TROAP: variants seen among roughly 807,000 people sequenced by gnomAD.
The protein encoded by TROAP is tastin.
TROAP carries 62 observed loss-of-function variants against 83.4 expected under a neutral mutation model. That is an observed-to-expected ratio of 0.74 (90% confidence interval 0.61 to 0.92). The LOEUF (loss-of-function observed/expected upper bound fraction) is 0.92, where lower values mean the gene tolerates loss of function less well. Ranked by LOEUF, TROAP falls within the 40% of genes least tolerant of loss-of-function variation. The pLI, the probability that TROAP is intolerant of heterozygous loss-of-function variation, is 0.00. For synonymous variants in TROAP, 352 were observed against 386.4 expected (o/e 0.91, Z 1.04); for missense variants, 876 against 985.1 (o/e 0.89, Z 1.48).
chr12:49,324,494 G>A, intron 3 of TROAP: 1 of 274,048 alleles, frequency 3.6e-6, no homozygotes, highest in Non-Finnish European at 6.7e-6. Context: ...TCTGTTACCT[G>A]TCTATAGTTT....
rs769570936 is a variant in TROAP at position 49,331,296 on chromosome 12, G to A, written c.2181G>A (p.Glu727=). ...TAACCGCCATCCACTGCTTCCACGAGGCTCGTCTGGACGATGAGTGTGCCT... is the reference window on the plus strand; with the variant it reads ...TAACCGCCATCCACTGCTTCCACGAAGCTCGTCTGGACGATGAGTGTGCCT... The part of the protein sequence containing the change: ...SCLTAIHCFH[E]ARLDDECAFY... Residue 727 remains glutamate, a synonymous_variant, in exon 14 of 15, where the codon GAG becomes GAA. Coordinates refer to ENST00000257909, the MANE Select transcript of TROAP (RefSeq NM_005480.4). 1 of 1,614,216 alleles carries A rather than the reference G, an allele frequency of 6.2e-7. No individual in the cohort carries two copies. The highest frequency in any genetic ancestry group is 1.1e-5 in the South Asian group (1 of 91,084).
At chr12:49,325,151 T>A (rs1260980970) in intron 3 of TROAP, among the ~76,000 whole-genome samples, 1 of 151,748 alleles carries the variant, frequency 6.6e-6, no homozygotes. Flanking sequence ...ACTCCTGACC[T>A]CAGGTGATCC....
At chr12:49,326,466 T>C (rs1943502723) in intron 6 of TROAP, among the ~76,000 whole-genome samples, 1 of 152,200 alleles carries the variant, frequency 6.6e-6, no homozygotes, top group Admixed American at 6.5e-5. Flanking sequence ...TGGGTTTATA[T>C]CCTAACTCTT....
chr12:49,325,133 G>T (rs1407465443), intron 3 of TROAP, among the ~76,000 whole-genome samples: 1 of 151,540 alleles, frequency 6.6e-6, no homozygotes, highest in Non-Finnish European at 1.5e-5. Flanking sequence ...TGGCCAGGCT[G>T]GTCTCAAACT....
Position 49,325,828 on chromosome 12 carries a change from C to A in TROAP, c.577C>A (p.Leu193Met). ...DPARASCFSR[L>M]EGPGPRGRTL... The stretch of plus-strand genomic sequence containing the variant: ...TGCCAGGGCTTCCTGCTTCTCTAGG[C>A]TGGAGGGACCAGGACCTCGAGGCCG... Residue 193 changes from leucine to methionine, a missense_variant, in exon 5 of 15, where the codon CTG becomes ATG. Around this residue, in one of 3 missense-constraint regions of TROAP, gnomAD observed 689 missense variants for 722.6 expected, o/e 0.95. Coordinates refer to ENST00000257909, the MANE Select transcript of TROAP (RefSeq NM_005480.4). 1 of 1,614,124 alleles carries A rather than the reference C, an allele frequency of 6.2e-7. No individual in the cohort carries two copies.
chr12:49,324,280 G>A, intron 3 of TROAP: 1 of 1,479,452 alleles, frequency 6.8e-7, no homozygotes. Context: ...GCTGAAGCAG[G>A]AGGATCACTG....
chr12:49,331,128 G>C, intron 13 of TROAP, 86 bp from the exon 14 acceptor site: 1 of 1,582,206 alleles, frequency 6.3e-7, no homozygotes, highest in African/African-American at 1.3e-5. Context: ...TAATTGGCTT[G>C]GCCGTTGGTG....
Position 49,325,540 on chromosome 12 carries a change from C to T in TROAP, c.377C>T (p.Ala126Val). The T allele has an allele frequency of 1.2e-6, 2 of 1,614,034 alleles. No homozygotes were observed. Among genetic ancestry groups the T allele is most frequent in the Non-Finnish European group, 1.7e-6 (2 of 1,180,016 alleles). ...GTIEFVADPA[A>V]LATILSGEGV... The stretch of plus-strand genomic sequence containing the variant: ...ATAGAGTTTGTGGCTGACCCTGCAG[C>T]CCTGGCCACCATCCTGTCAGGTGAG... Residue 126 changes from alanine (A) to valine (V), a missense_variant, in exon 4 of 15, where the codon GCC becomes GTC. By Grantham distance (64) the Ala-to-Val change is moderately conservative (BLOSUM62 0). Coordinates refer to ENST00000257909, the MANE Select transcript of TROAP (RefSeq NM_005480.4).
chr12:49,326,252 C>G, intron 6 of TROAP, 94 bp downstream of exon 6: 1 of 1,259,564 alleles, frequency 7.9e-7, no homozygotes, highest in Admixed American at 1.7e-5. Flanking sequence ...CTTCCAGGAG[C>G]TTTAGGACTC....
chr12:49,329,811 C>A lies in TROAP; in HGVS notation c.1165-46C>A. On this transcript the variant is annotated intron_variant, in intron 11 of 14. Coordinates refer to ENST00000257909, the MANE Select transcript of TROAP (RefSeq NM_005480.4). This position sits in a 1 kb window ranked among gnomAD's most constrained non-coding sequence, Gnocchi z 4.5. ...GGGTGGGACTCAGGCTGGTCTTTCT[C>A]CTGCCCCAGCCTGGCTTGCTTGTGT... is the stretch of plus-strand genomic sequence containing the variant. 6.2e-7 allele frequency: 1 copy of A among 1,601,630 alleles called. No homozygotes were observed. The highest frequency in any genetic ancestry group is 1.1e-5 in the South Asian group (1 of 88,848).
intron 3 of TROAP, 76 bp downstream of exon 3, chr12:49,324,113 G>A (rs778047885): frequency 8.1e-6 from 13 of 1,613,628 alleles, no homozygotes; most frequent in Non-Finnish European, 8.5e-6. Flanking sequence ...GGGGTTTTGG[G>A]GTTTTGCACT....
At chr12:49,327,575 AG>A (rs1943520196) in intron 8 of TROAP, among the ~76,000 whole-genome samples, 2 of 152,330 alleles carry the variant, frequency 1.3e-5, no homozygotes, top group Admixed American at 1.3e-4. Flanking sequence ...ATCAGTGCTA[AG>A]GGTGAGACAG....
At chr12:49,326,252 C>T (rs1943499634) in intron 6 of TROAP, 94 bp downstream of exon 6, 1 of 1,259,564 alleles carries the variant, frequency 7.9e-7, no homozygotes, top group Non-Finnish European at 1.1e-6. Flanking sequence ...CTTCCAGGAG[C>T]TTTAGGACTC....
At chr12:49,325,975 G>A in intron 5 of TROAP, 91 bp downstream of exon 5, 2 of 1,604,598 alleles carry the variant, frequency 1.2e-6, no homozygotes, top group Admixed American at 1.7e-5. Context: ...ACCTCATGAT[G>A]AGGCAAGGGA....
chr12:49,326,707 C>T lies in TROAP; in HGVS notation c.756C>T (p.Thr252=). The T allele has an allele frequency of 2.6e-6, 4 of 1,561,996 alleles. No individual in the cohort carries two copies. Among genetic ancestry groups the T allele is most frequent in the Non-Finnish European group, 3.5e-6 (4 of 1,151,618 alleles). The change falls in exon 7 of 15, where the codon ACC becomes ACT. Residue 252 remains threonine (T), a synonymous_variant. Transcript: ENST00000257909. ...VSQASGLLLE[T]PVQPAFSLPK... ...AGGCCTCAGGATTGCTCCTGGAGAC[C>T]CCAGTCCAGCCTGGTAAGTGTTTCT...
In TROAP at chr12:49,329,708, C is replaced by G; in HGVS notation, c.1165-149C>G. 4.7e-6 allele frequency: 6 copies of G among 1,272,154 alleles called. No homozygotes were observed. Among genetic ancestry groups the G allele is most frequent in the Non-Finnish European group, 6.6e-6 (6 of 913,946 alleles). The allele number at this position is 1,272,154 out of a possible 1,614,324, so 78.8% of individuals were successfully genotyped here. On this transcript the variant is annotated intron_variant, in intron 11 of 14. Coordinates refer to ENST00000257909, the MANE Select transcript of TROAP (RefSeq NM_005480.4). This position sits in a 1 kb window ranked among gnomAD's most constrained non-coding sequence, Gnocchi z 4.5. ...AGTGCTCTCTGGAAAAGCTGCCTAA[C>G]TCTCACTGCTTCTCTGCTGCCCCTC... is the stretch of plus-strand genomic sequence containing the variant.
intron 2 of TROAP, 31 bp from the exon 3 acceptor site, chr12:49,323,814 C>T: frequency 1.2e-6 from 2 of 1,613,896 alleles, no homozygotes; most frequent in Non-Finnish European, 1.7e-6. Context: ...AACACTAAAC[C>T]TCACCTTTTT....
At chr12:49,324,365 A>G (rs1943461526) in intron 3 of TROAP, 1 of 533,266 alleles carries the variant, frequency 1.9e-6, no homozygotes, top group Admixed American at 3.4e-5. Flanking sequence ...AAATAAATAA[A>G]TAATAAATAT....
intron 6 of TROAP, 110 bp from the exon 7 acceptor site, chr12:49,326,558 C>A: frequency 1.7e-6 from 2 of 1,210,130 alleles, no homozygotes; most frequent in South Asian, 1.5e-5. Flanking sequence ...TTTGTACCAT[C>A]ATTAGTTGTC....
Sources: gnomAD v4.1 joint callset for allele counts (sites outside exome capture counted in the v4.1 genomes callset) on GRCh38, gnomAD v4.1.1 for gene constraint, gnomAD v4.1.1 regional missense constraint, Gnocchi (gnomAD v3.1) non-coding constraint, MANE v1.5 for transcripts, NCBI Gene and HGNC (gene_info 2026-07-23, HGNC 2026-07-21) for gene names.